BABAM2: variants seen among roughly 807,000 people sequenced by gnomAD.
BABAM2 encodes BRISC and BRCA1 A complex member 2.
A neutral mutation model predicts 54.7 loss-of-function variants in BABAM2; 31 were observed. The ratio of observed to expected loss-of-function variants is 0.57; its 90% CI spans 0.43 to 0.77. BABAM2 has a LOEUF of 0.77. Among genes scored for constraint, BABAM2 ranks in the 30% least tolerant of loss-of-function variants. The pLI is 0.00. For synonymous variants in BABAM2, 167 were observed against 162.9 expected, an observed-to-expected ratio of 1.03 and a Z score of -0.19; for missense variants, 364 against 455.8, an observed-to-expected ratio of 0.80 and a Z score of 1.83.
At chr2:27,973,304 C>T (rs1257760812) in intron 3 of BABAM2, among the ~76,000 whole-genome samples, 1 of 152,090 alleles carries the variant, frequency 6.6e-6, no homozygotes, top group Non-Finnish European at 1.5e-5. Flanking sequence ...CTTTCCATAT[C>T]TCCTGGTTTG....
chr2:27,894,122 G>T (rs1665092349), intron 1 of BABAM2, among the ~76,000 whole-genome samples: 1 of 152,198 alleles, frequency 6.6e-6, no homozygotes, highest in Admixed American at 6.5e-5. Context: ...TCCTTGTGGG[G>T]ACACACAGGG....
At chr2:27,985,546 T>C (rs1672339405) in intron 3 of BABAM2, among the ~76,000 whole-genome samples, 1 of 152,158 alleles carries the variant, frequency 6.6e-6, no homozygotes, top group Non-Finnish European at 1.5e-5. Flanking sequence ...TTTCAGCACT[T>C]AGACGTTCAG....
chr2:27,916,996 A>G (rs1055635319), intron 2 of BABAM2, among the ~76,000 whole-genome samples: 12 of 147,162 alleles, frequency 8.2e-5, no homozygotes, highest in Non-Finnish European at 1.2e-4. Flanking sequence ...TAACTCTTAT[A>G]GCAATAATCA....
chr2:28,303,719 C>G (rs1035616160), intron 11 of BABAM2, among the ~76,000 whole-genome samples: 2 of 152,046 alleles, frequency 1.3e-5, no homozygotes, highest in Non-Finnish European at 2.9e-5. Context: ...CAACGCCCCC[C>G]CCACCAAAAG....
intron 3 of BABAM2, among the ~76,000 whole-genome samples, chr2:27,985,002 G>A (rs1672297453): frequency 6.6e-6 from 1 of 151,318 alleles, no homozygotes. Flanking sequence ...ATTCCATCCA[G>A]GTTGCTGCAA....
At chr2:28,198,622 C>A (rs1249677981) in intron 7 of BABAM2, among the ~76,000 whole-genome samples, 1 of 152,174 alleles carries the variant, frequency 6.6e-6, no homozygotes, top group Non-Finnish European at 1.5e-5. Context: ...TCCTTCTCCC[C>A]CTTGCCTTTA....
Position 27,894,601 on chromosome 2 carries a change from C to T in BABAM2, c.45C>T (p.Ser15=), listed in dbSNP as rs1439950336. The change falls in exon 2 of 12, where the codon TCC becomes TCT. Residue 15 remains serine, a synonymous_variant. Coordinates refer to ENST00000379624, the MANE Select transcript of BABAM2 (RefSeq NM_199191.3). ...TGAACCGAATATCTCCAATGCTCTC[C>T]CCTTTCATATCTAGCGTGGTCCGGA... The part of the protein sequence containing the change: ...VALNRISPML[S]PFISSVVRNG... 1.9e-6 allele frequency: 3 copies of T among 1,613,862 alleles called. No homozygotes were observed. The highest frequency in any genetic ancestry group is 2.5e-6 in the Non-Finnish European group (3 of 1,179,900).
Position 27,988,022 on chromosome 2 carries a change from G to C in BABAM2, c.235G>C (p.Glu79Gln), listed in dbSNP as rs772560433. 3.1e-6 allele frequency: 5 copies of C among 1,613,556 alleles called. No individual in the cohort carries two copies. The highest frequency in any genetic ancestry group is 4.2e-6 in the Non-Finnish European group (5 of 1,179,602). Reference protein sequence around the residue: ...WDIIFNAQYPELPPDFIFGED... With the variant: ...WDIIFNAQYPQLPPDFIFGED... Reference sequence around the variant, plus strand: ...TATCATTTTCAATGCCCAATACCCAGAACTGCCTCCCGATTTTATCTTTGG... The same window carrying C: ...TATCATTTTCAATGCCCAATACCCACAACTGCCTCCCGATTTTATCTTTGG... Residue 79 changes from glutamate (E) to glutamine (Q), a missense_variant, in exon 4 of 12, where the codon GAA becomes CAA. By Grantham distance (29) the Glu-to-Gln change is conservative. Coordinates refer to ENST00000379624, the MANE Select transcript of BABAM2 (RefSeq NM_199191.3).
chr2:28,290,952 A>G (rs974278365), intron 10 of BABAM2, among the ~76,000 whole-genome samples: 4 of 152,242 alleles, frequency 2.6e-5, no homozygotes, highest in Admixed American at 2.6e-4. Flanking sequence ...AATTTCACAT[A>G]TACAGAACAG....
chr2:28,150,202 C>T (rs958966915), intron 7 of BABAM2, among the ~76,000 whole-genome samples: 1 of 152,186 alleles, frequency 6.6e-6, no homozygotes, highest in Non-Finnish European at 1.5e-5. Flanking sequence ...CACTCTAGTT[C>T]AGACAAGCTA....
intron 2 of BABAM2, among the ~76,000 whole-genome samples, chr2:27,925,469 C>T (rs964250413): frequency 2.0e-5 from 3 of 151,922 alleles, no homozygotes; most frequent in African/African-American, 7.3e-5. Flanking sequence ...TATTATTATC[C>T]TACCTGCATT....
chr2:28,325,432 C>T lies in BABAM2; in HGVS notation c.1089-13018C>T, dbSNP rs1690365945. Reference sequence around the variant, plus strand: ...TGCCAGACGTTCTGTCATCTGCCAGCCTGCATGGAACTTCCCCACACCCTA... The same window carrying T: ...TGCCAGACGTTCTGTCATCTGCCAGTCTGCATGGAACTTCCCCACACCCTA... On this transcript the variant is annotated intron_variant, in intron 11 of 11. Coordinates refer to ENST00000379624, the MANE Select transcript of BABAM2 (RefSeq NM_199191.3). This position sits in a 1 kb window ranked among gnomAD's most constrained non-coding sequence, Gnocchi z 4.3. Among the ~76,000 whole-genome samples, 1 of 152,208 alleles carries T rather than the reference C, an allele frequency of 6.6e-6. No individual in the cohort carries two copies. Among genetic ancestry groups the T allele is most frequent in the Non-Finnish European group, 1.5e-5 (1 of 68,044 alleles).
chr2:28,250,789 CAG>C (rs1293863117), intron 10 of BABAM2, among the ~76,000 whole-genome samples: 1 of 151,956 alleles, frequency 6.6e-6, no homozygotes, highest in African/African-American at 2.4e-5. Flanking sequence ...TTAGTAGAGA[CAG>C]GGTTTTGCCG....
intron 5 of BABAM2, among the ~76,000 whole-genome samples, chr2:28,043,410 T>C (rs1037487347): frequency 3.9e-5 from 6 of 152,032 alleles, no homozygotes; most frequent in African/African-American, 7.2e-5. Flanking sequence ...ATTACAGGCA[T>C]GAGCCAATGT....
At chr2:28,111,517 CT>C (rs951771906) in intron 6 of BABAM2, among the ~76,000 whole-genome samples, 1 of 152,088 alleles carries the variant, frequency 6.6e-6, no homozygotes, top group African/African-American at 2.4e-5. Context: ...AATTTGTCTA[CT>C]TTTTTATCAC....
At chr2:28,295,048 C>A (rs942694995) in intron 10 of BABAM2, among the ~76,000 whole-genome samples, 3 of 152,076 alleles carry the variant, frequency 2.0e-5, no homozygotes, top group Non-Finnish European at 2.9e-5. Context: ...ACTCACTTGC[C>A]CAGGTAGATA....
intron 2 of BABAM2, among the ~76,000 whole-genome samples, chr2:27,920,135 C>T (rs1293871535): frequency 6.6e-6 from 1 of 152,026 alleles, no homozygotes; most frequent in Non-Finnish European, 1.5e-5. Context: ...AGCCCCATTC[C>T]CCTGAAAATC....
chr2:28,090,631 A>G (rs1666081561), intron 6 of BABAM2, among the ~76,000 whole-genome samples: 1 of 152,172 alleles, frequency 6.6e-6, no homozygotes. Flanking sequence ...ATACATAGGT[A>G]TGCTTCTAGC....
intron 4 of BABAM2, chr2:28,016,412 T>C (rs1674818239): frequency 7.1e-7 from 1 of 1,409,954 alleles, no homozygotes; most frequent in Non-Finnish European, 1.0e-6. Context: ...CCCTGAAGAC[T>C]GGATTGGACC....
Sources: allele counts gnomAD v4.1 joint callset (sites outside exome capture counted in the v4.1 genomes callset), GRCh38; gene constraint gnomAD v4.1.1; non-coding constraint Gnocchi (gnomAD v3.1); transcripts MANE v1.5; gene names NCBI Gene and HGNC (gene_info 2026-07-23, HGNC 2026-07-21).